Variants in ECD observed in about 807,000 individuals in gnomAD.
The protein encoded by ECD is ecdysoneless cell cycle regulator.
Under a neutral mutation model 77.2 loss-of-function variants are expected in ECD, and 59 were observed. That is an observed-to-expected ratio of 0.76 (90% CI 0.62 to 0.95). The LOEUF is 0.95. ECD is among the 40% of genes least tolerant of loss of function. The pLI, the probability that ECD is intolerant of heterozygous loss-of-function variation, is 0.00. For missense variants in ECD, 704 were observed against 763.4 expected (o/e 0.92, Z 0.92); for synonymous variants, 233 against 267.4 (o/e 0.87, Z 1.26).
In ECD at chr10:73,139,735, G is replaced by T. The variant is rs763664480; in HGVS notation, c.1130C>A (p.Ser377Tyr). ...FQLSVDWPES[S>Y]LAMSPGEEIL... ...TTCTTCACCAGGGCTCATAGCAAGAGAACTATGAAAAATAAAAAACATGAG... is the reference window on the plus strand; with the variant it reads ...TTCTTCACCAGGGCTCATAGCAAGATAACTATGAAAAATAAAAAACATGAG... Residue 377 changes from serine (S) to tyrosine (Y), a missense_variant and splice_region_variant, in exon 10 of 14, where the codon TCT becomes TAT. By Grantham distance (144) the Ser-to-Tyr change is moderately radical (BLOSUM62 -2). Around this residue, in one of 3 missense-constraint regions of ECD, gnomAD observed 559 missense variants for 583.7 expected, o/e 0.96. Transcript: ENST00000372979. 1 of 1,579,766 alleles carries T rather than the reference G, an allele frequency of 6.3e-7. No homozygotes were observed. The highest frequency in any genetic ancestry group is 1.1e-5 in the South Asian group (1 of 87,422).
chr10:73,141,395 C>A, intron 9 of ECD: 1 of 166,762 alleles, frequency 6.0e-6, no homozygotes, highest in South Asian at 1.2e-4. Context: ...ACCTGTTGTC[C>A]CAGGTACTCA....
At chr10:73,137,731 G>A (rs555529859) in intron 12 of ECD, among the ~76,000 whole-genome samples, 16 of 150,824 alleles carry the variant, frequency 1.1e-4, no homozygotes, top group African/African-American at 3.7e-4. Context: ...AGCCGAGATC[G>A]TGCCACTGCA....
intron 9 of ECD, among the ~76,000 whole-genome samples, chr10:73,141,662 T>C (rs538744237): frequency 6.6e-6 from 1 of 152,338 alleles, no homozygotes; most frequent in East Asian, 1.9e-4. Flanking sequence ...TCACTATGAC[T>C]CTCTTTAGCA....
intron 8 of ECD, 117 bp from the exon 9 acceptor site, chr10:73,146,478 C>G (rs1042860928): frequency 1.1e-5 from 6 of 539,356 alleles, no homozygotes; most frequent in Non-Finnish European, 1.9e-5. Flanking sequence ...AATCACGTGC[C>G]CCAAGTCCTA....
At chr10:73,139,256 C>A in intron 11 of ECD, 53 bp downstream of exon 11, 10 of 1,439,004 alleles carry the variant, frequency 6.9e-6, no homozygotes, top group Non-Finnish European at 8.4e-6. Context: ...ATGACTATGA[C>A]TTCAACATTT....
chr10:73,163,763 G>C lies in ECD; in HGVS notation c.175C>G (p.Pro59Ala), dbSNP rs746823344. 6.2e-7 allele frequency: 1 copy of C among 1,613,978 alleles called. No homozygotes were observed. The highest frequency in any genetic ancestry group is 8.5e-7 in the Non-Finnish European group (1 of 1,180,030). The change falls in exon 2 of 14, where the codon CCT (proline) becomes GCT (alanine). Residue 59 changes from proline (P) to alanine (A), a missense_variant. By Grantham distance (27) the Pro-to-Ala change is conservative. This residue lies in a region of ECD where 559 missense variants were observed against 583.7 expected (regional missense o/e 0.96). Transcript: ENST00000372979. ...CCAGGTTTATATTTAAGATTGAAAG[G>C]CTGATTCTGCCAGATGTAGGGGACC... is the stretch of plus-strand genomic sequence containing the variant. ...MLVPYIWQNQ[P>A]FNLKYKPGKG...
Position 73,134,711 on chromosome 10 carries a change from T to C in ECD, c.1807A>G (p.Asn603Asp). The part of the protein sequence containing the change: ...PVDVDLNLVS[N>D]ILESYSSQAG... ...TGGGAGCTATAGGATTCCAATATAT[T>C]TGAAACCAGGTTCAGGTCTACATCT... Residue 603 changes from asparagine (N) to aspartate (D), a missense_variant, in exon 14 of 14, where the codon AAT becomes GAT. Asn to Asp is a conservative substitution (Grantham distance 23). Coordinates refer to ENST00000372979, the MANE Select transcript of ECD (RefSeq NM_007265.3). The C allele has an allele frequency of 6.2e-6, 10 of 1,614,150 alleles. No homozygotes were observed. The highest frequency in any genetic ancestry group is 8.5e-6 in the Non-Finnish European group (10 of 1,180,038).
chr10:73,142,058 A>G (rs529875752), intron 9 of ECD, among the ~76,000 whole-genome samples: 1 of 152,258 alleles, frequency 6.6e-6, no homozygotes, highest in South Asian at 2.1e-4. Flanking sequence ...GGATCAAGCA[A>G]TCTTCCTATC....
At chr10:73,148,764 T>C (rs1286411422) in intron 7 of ECD, among the ~76,000 whole-genome samples, 3 of 152,190 alleles carry the variant, frequency 2.0e-5, no homozygotes, top group Non-Finnish European at 4.4e-5. Flanking sequence ...ATTATACATA[T>C]ATTGAACATG....
rs139531713 is a variant in ECD, at chr10:73,136,954, AATT to A, written c.1490-39_1490-37del. The A allele has an allele frequency of 5.5e-4, 545 of 990,850 alleles. No individual in the cohort carries two copies. The East Asian group carries it at 0.01, about 19-fold the overall frequency. The allele number at this position is 990,850 out of a possible 1,614,324, so 61.4% of individuals were successfully genotyped here. On this transcript the variant is annotated intron_variant, in intron 12 of 13. Coordinates refer to ENST00000372979, the MANE Select transcript of ECD (RefSeq NM_007265.3). ...CCCAAGAAAGAAAGAGCCACTTAGT[AATT>A]ATTATTATTATTATTATTATTATTA...
Position 73,139,469 on chromosome 10 carries a change from C to G in ECD, c.1261G>C (p.Asp421His). Residue 421 changes from aspartate (D) to histidine (H), a missense_variant, in exon 11 of 14, where the codon GAT (aspartate) becomes CAT (histidine). Asp to His is a moderately conservative substitution (Grantham distance 81, BLOSUM62 -1). Coordinates refer to ENST00000372979, the MANE Select transcript of ECD (RefSeq NM_007265.3). ...TCCTGCAGCAGCTGGTCCAGCTGATCTGGTGAGAGATCTAACCACTGGTCA... is the reference window on the plus strand; with the variant it reads ...TCCTGCAGCAGCTGGTCCAGCTGATGTGGTGAGAGATCTAACCACTGGTCA... ...DDDQWLDLSP[D>H]QLDQLLQEAV... is the part of the protein sequence containing the mutation. The G allele has an allele frequency of 6.2e-7, 1 of 1,613,936 alleles. No homozygotes were observed. Among genetic ancestry groups the G allele is most frequent in the Non-Finnish European group, 8.5e-7 (1 of 1,179,988 alleles).
At chr10:73,146,538 T>C (rs1199950382) in intron 8 of ECD, among the ~76,000 whole-genome samples, 177 bp from the exon 9 acceptor site, 1 of 152,206 alleles carries the variant, frequency 6.6e-6, no homozygotes, top group African/African-American at 2.4e-5. Context: ...TTTCTTCAAA[T>C]GAGGGGACGC....
intron 7 of ECD, among the ~76,000 whole-genome samples, 153 bp from the exon 8 acceptor site, chr10:73,148,557 A>C (rs537395880): frequency 5.1e-4 from 78 of 152,326 alleles, no homozygotes; most frequent in African/African-American, 1.8e-3. Flanking sequence ...GAATTTTATG[A>C]AAAATATAAA....
intron 7 of ECD, among the ~76,000 whole-genome samples, chr10:73,150,885 G>A (rs1396185781): frequency 6.6e-6 from 1 of 152,176 alleles, no homozygotes; most frequent in Non-Finnish European, 1.5e-5. Flanking sequence ...AACAGGTGCT[G>A]GAGAGGATGT....
chr10:73,167,341 CTGG>C (rs1432768204), intron 1 of ECD, among the ~76,000 whole-genome samples: 4 of 152,078 alleles, frequency 2.6e-5, no homozygotes, highest in Non-Finnish European at 4.4e-5. Flanking sequence ...AAGAATGTCA[CTGG>C]TATTTTGATG....
intron 9 of ECD, among the ~76,000 whole-genome samples, chr10:73,145,721 G>A (rs374017056): frequency 7.2e-5 from 10 of 139,462 alleles, no homozygotes; most frequent in Non-Finnish European, 1.5e-4. Flanking sequence ...CTCAGCTCAC[G>A]GCAACCTCCG....
chr10:73,151,445 G>A (rs1843204066), intron 7 of ECD, among the ~76,000 whole-genome samples: 1 of 151,640 alleles, frequency 6.6e-6, no homozygotes, highest in African/African-American at 2.4e-5. Context: ...GTTAATGGGT[G>A]CAGCACACCA....
rs1589125302 is a variant in ECD at position 73,167,907 on chromosome 10, T to C, written c.-55A>G. ...CTTCGCGTCTCTGCTGTGGCACCTTTCCTTAGCCGCCTCTCCGACTGCGAG... is the reference window on the plus strand; with the variant it reads ...CTTCGCGTCTCTGCTGTGGCACCTTCCCTTAGCCGCCTCTCCGACTGCGAG... On this transcript the variant is annotated 5_prime_UTR_variant, in exon 1 of 14. Coordinates refer to ENST00000372979, the MANE Select transcript of ECD (RefSeq NM_007265.3). 1 of 197,714 alleles carries C rather than the reference T, an allele frequency of 5.1e-6. No individual in the cohort carries two copies. The highest frequency in any genetic ancestry group is 1.0e-5 in the Non-Finnish European group (1 of 97,864). 12.2% of individuals were successfully genotyped at this position (197,714 alleles called of 1,614,324 possible). A position where few individuals can be genotyped will look rare whatever the true frequency, so the allele number is the denominator to read the frequency against.
At position 73,160,541 on chromosome 10, in the gene ECD, A is replaced by C; in HGVS notation, c.216T>G (p.Pro72=). ...LKYKPGKGGV[P]AHMFGVTKFG... The stretch of plus-strand genomic sequence containing the variant: ...ACTTTGTCACGCCAAACATATGAGC[A>C]GGAACACCTCCTAAAAACAAGAGAA... Residue 72 remains proline, a synonymous_variant, in exon 3 of 14, where the codon CCT becomes CCG. Transcript: ENST00000372979. 6.2e-7 allele frequency: 1 copy of C among 1,602,270 alleles called. No individual in the cohort carries two copies. Among genetic ancestry groups the C allele is most frequent in the East Asian group, 2.2e-5 (1 of 44,734 alleles).
Sources: allele counts gnomAD v4.1 joint callset (sites outside exome capture counted in the v4.1 genomes callset), GRCh38; gene constraint gnomAD v4.1.1; regional missense constraint gnomAD v4.1.1; transcripts MANE v1.5; gene names NCBI Gene and HGNC (gene_info 2026-07-23, HGNC 2026-07-21).